The following DLG2 variants were observed in gnomAD, a reference collection of about 807,000 sequenced individuals.
The protein encoded by DLG2 is disks large homolog 2.
DLG2 carries 45 observed loss-of-function variants against 132.5 expected under a neutral mutation model. The ratio of observed to expected loss-of-function variants is 0.34; its 90% confidence interval spans 0.27 to 0.44. The LOEUF (loss-of-function observed/expected upper bound fraction) is 0.44, where lower values mean the gene tolerates loss of function less well. DLG2 is among the 20% of genes least tolerant of loss of function. DLG2 has a pLI of 1.00. For missense variants in DLG2, 1,045 were observed against 1,196.9 expected (o/e 0.87, Z 1.87); for synonymous variants, 424 against 419.6 (o/e 1.01, Z -0.13).
At chr11:85,404,124 T>G (rs1006205158) in intron 3 of DLG2, among the ~76,000 whole-genome samples, 1 of 151,938 alleles carries the variant, frequency 6.6e-6, no homozygotes, top group African/African-American at 2.4e-5. Flanking sequence ...TTGAATGGAT[T>G]AGAAGATAAG....
chr11:84,238,970 T>C (rs2097193135), intron 8 of DLG2, among the ~76,000 whole-genome samples: 1 of 152,222 alleles, frequency 6.6e-6, no homozygotes, highest in Non-Finnish European at 1.5e-5. Flanking sequence ...AGCCCACTTT[T>C]AGGTGGTCAC....
chr11:83,978,418 A>G (rs774802933), intron 12 of DLG2, among the ~76,000 whole-genome samples: 1 of 152,072 alleles, frequency 6.6e-6, no homozygotes, highest in Non-Finnish European at 1.5e-5. Flanking sequence ...TATGGTTATC[A>G]CAATTTATTC....
At chr11:84,600,219 A>G (rs1175753358) in intron 6 of DLG2, among the ~76,000 whole-genome samples, 1 of 133,604 alleles carries the variant, frequency 7.5e-6, no homozygotes, top group Non-Finnish European at 1.5e-5. Flanking sequence ...AAAGAAAGAA[A>G]GAAAGAGAAA....
chr11:85,218,069 C>A (rs1275016152), intron 4 of DLG2, among the ~76,000 whole-genome samples: 3 of 152,102 alleles, frequency 2.0e-5, no homozygotes, highest in Non-Finnish European at 4.4e-5. Context: ...TTTTGTCCAC[C>A]TTGTCAAAGA....
rs566571020 is a variant in DLG2, at chr11:84,489,382, C to A, written c.519+45188G>T. On this transcript the variant is annotated intron_variant, in intron 7 of 27. Transcript: ENST00000376104. ...CTTATTTTTCTTCCTAAACCATCTA[C>A]TATTCCTATTTAAAAATGTGTTTCT... Among the ~76,000 whole-genome samples, 4 of 152,230 alleles carry A rather than the reference C, an allele frequency of 2.6e-5. No individual in the cohort carries two copies. The South Asian group carries it at 8.3e-4, about 32-fold the overall frequency.
chr11:84,502,243 C>CTTTCCT (rs1423895653), intron 7 of DLG2, among the ~76,000 whole-genome samples: 1 of 33,182 alleles, frequency 3.0e-5, no homozygotes, highest in African/African-American at 5.2e-4. Flanking sequence ...TCCTTCCTTC[C>CTTTCCT]TTCCTTCCTT....
intron 3 of DLG2, among the ~76,000 whole-genome samples, chr11:85,488,713 TG>T (rs1466852245): frequency 1.3e-5 from 2 of 152,128 alleles, no homozygotes; most frequent in African/African-American, 4.8e-5. Flanking sequence ...TTCAAAGTGC[TG>T]AAAGAAAACA....
At chr11:84,044,125 C>G (rs1438068325) in intron 11 of DLG2, among the ~76,000 whole-genome samples, 3 of 151,694 alleles carry the variant, frequency 2.0e-5, no homozygotes, top group Non-Finnish European at 4.4e-5. Context: ...TGTGTCCTGG[C>G]TCTGTCATCA....
At chr11:85,088,614 T>G (rs1210705125) in intron 6 of DLG2, among the ~76,000 whole-genome samples, 2 of 152,202 alleles carry the variant, frequency 1.3e-5, no homozygotes, top group African/African-American at 2.4e-5. Flanking sequence ...ATTATTTTAT[T>G]TGAATAAGGT....
chr11:83,513,917 T>C (rs910442959), intron 21 of DLG2, among the ~76,000 whole-genome samples: 1 of 152,218 alleles, frequency 6.6e-6, no homozygotes, highest in Non-Finnish European at 1.5e-5. Flanking sequence ...TACCACGCTG[T>C]TTTGGTTACT....
chr11:84,272,075 T>A (rs2097731707), intron 7 of DLG2: 1 of 164,000 alleles, frequency 6.1e-6, no homozygotes, highest in Admixed American at 6.4e-5. Context: ...TTTCCCACCA[T>A]TAGTTTTTTA....
chr11:85,256,040 T>C (rs1284587738), intron 4 of DLG2, among the ~76,000 whole-genome samples: 17 of 152,126 alleles, frequency 1.1e-4, no homozygotes, highest in Admixed American at 1.1e-3. Context: ...AAGAGGGCAG[T>C]TCTGTGGCAA....
intron 4 of DLG2, among the ~76,000 whole-genome samples, chr11:85,221,253 G>C (rs556799011): frequency 6.6e-6 from 1 of 151,992 alleles, no homozygotes; most frequent in Non-Finnish European, 1.5e-5. Flanking sequence ...CGCCAGGATG[G>C]TCTCAATCTC....
chr11:83,953,995 C>G (rs1039936633), intron 14 of DLG2, among the ~76,000 whole-genome samples: 1 of 152,124 alleles, frequency 6.6e-6, no homozygotes, highest in African/African-American at 2.4e-5. Flanking sequence ...GATTAAATTA[C>G]TATTCAAATT....
chr11:83,621,808 A>G (rs1430470662), intron 19 of DLG2, among the ~76,000 whole-genome samples: 1 of 152,132 alleles, frequency 6.6e-6, no homozygotes, highest in Non-Finnish European at 1.5e-5. Flanking sequence ...TAAATGTCCT[A>G]AGTCGGGGGT....
chr11:83,737,314 C>A (rs1474810866), intron 18 of DLG2, among the ~76,000 whole-genome samples: 2 of 152,092 alleles, frequency 1.3e-5, no homozygotes, highest in East Asian at 3.9e-4. Flanking sequence ...CTACTGAAAA[C>A]AAACATTCTC....
Position 85,330,798 on chromosome 11 carries a change from A to ATT in DLG2, c.41-45434_41-45433insAA, listed in dbSNP as rs1478646392. 4.4e-5 allele frequency among the ~76,000 whole-genome samples: 6 copies of ATT among 136,688 alleles called. No individual in the cohort carries two copies. In the East Asian group the frequency reaches 7.1e-4, roughly 16 times the overall value. The allele number at this position is 136,688 out of a possible 152,430, so 89.7% of individuals were successfully genotyped here. A position where few individuals can be genotyped will look rare whatever the true frequency, so the allele number is the denominator to read the frequency against. Reference sequence around the variant, plus strand: ...ATAATAAAAAAAAAAAAATTAAAAAAAAAAAAAAAAAAAAGAAAAAGAAGT... The same window carrying ATT: ...ATAATAAAAAAAAAAAAATTAAAAAATTAAAAAAAAAAAAAAGAAAAAGAAGT... On this transcript the variant is annotated intron_variant, in intron 3 of 27. Transcript: ENST00000376104.
chr11:84,912,885 CA>C (rs1264768820), intron 6 of DLG2, among the ~76,000 whole-genome samples: 1 of 152,140 alleles, frequency 6.6e-6, no homozygotes, highest in East Asian at 1.9e-4. Context: ...AATGGATGGC[CA>C]GTTCTTATCT....
chr11:84,507,026 C>G (rs1403973599), intron 7 of DLG2, among the ~76,000 whole-genome samples: 1 of 152,208 alleles, frequency 6.6e-6, no homozygotes, highest in Non-Finnish European at 1.5e-5. Flanking sequence ...CCAAAGTAGA[C>G]ATTTCTACTG....
Sources: allele counts gnomAD v4.1 joint callset (sites outside exome capture counted in the v4.1 genomes callset), GRCh38; gene constraint gnomAD v4.1.1; transcripts MANE v1.5; gene names NCBI Gene and HGNC (gene_info 2026-07-23, HGNC 2026-07-21).